Variants in TTL observed in about 807,000 individuals in gnomAD.
The protein encoded by TTL is tubulin tyrosine ligase.
Under a neutral mutation model 41.1 loss-of-function variants are expected in TTL, and 10 were observed. The observed-to-expected ratio is 0.24, with a 90% CI of 0.15 to 0.41. The LOEUF (loss-of-function observed/expected upper bound fraction) is 0.41, where lower values mean the gene tolerates loss of function less well. Among genes scored for constraint, TTL ranks in the 10% least tolerant of loss-of-function variants. TTL has a pLI of 1.00. For synonymous variants in TTL, 175 were observed against 175.5 expected (o/e 1.00, Z 0.02); for missense variants, 367 against 460.4 (o/e 0.80, Z 1.86).
chr2:112,496,362 G>C (rs1681521970), intron 3 of TTL, among the ~76,000 whole-genome samples: 1 of 152,098 alleles, frequency 6.6e-6, no homozygotes, highest in African/African-American at 2.4e-5. Context: ...ATGAATGAAT[G>C]GTTTTTATTC....
At chr2:112,516,162 T>C (rs538385168) in intron 5 of TTL, among the ~76,000 whole-genome samples, 1 of 152,336 alleles carries the variant, frequency 6.6e-6, no homozygotes, top group Admixed American at 6.5e-5. Flanking sequence ...CACATAACAG[T>C]AGTTTATCCT....
rs541158374 is a variant in TTL at position 112,494,436 on chromosome 2, G to C, written c.469+61G>C. On this transcript the variant is annotated intron_variant, in intron 3 of 6. Transcript: ENST00000233336. The stretch of plus-strand genomic sequence containing the variant: ...GTAAGTTGCTATTGTGATGTATTTA[G>C]ATGAATGACCCTATTTTAATCTGAA... 4.7e-5 allele frequency: 60 copies of C among 1,281,198 alleles called. No individual in the cohort carries two copies. In the South Asian group the frequency reaches 8.0e-4, roughly 17 times the overall value. The allele number at this position is 1,281,198 out of a possible 1,614,324, so 79.4% of individuals were successfully genotyped here. A position where few individuals can be genotyped will look rare whatever the true frequency, so the allele number is the denominator to read the frequency against.
intron 2 of TTL, among the ~76,000 whole-genome samples, chr2:112,488,821 G>A (rs1213546448): frequency 6.6e-6 from 1 of 151,928 alleles, no homozygotes; most frequent in East Asian, 1.9e-4. Flanking sequence ...GGGCGTGGTG[G>A]CTCACGCCTG....
chr2:112,510,002 CA>C lies in TTL; in HGVS notation c.875+6827del, dbSNP rs1484700473. Among the ~76,000 whole-genome samples the C allele has an allele frequency of 3.9e-5, 6 of 152,084 alleles. No individual in the cohort carries two copies. The East Asian group carries it at 1.2e-3, about 29-fold the overall frequency. Reference sequence around the variant, plus strand: ...CATTTATCAATTTTATCAGTCTTTTCAAAAAATTAGCTTTTGGTTTTATTGG... The same window carrying C: ...CATTTATCAATTTTATCAGTCTTTTCAAAAATTAGCTTTTGGTTTTATTGG... On this transcript the variant is annotated intron_variant, in intron 5 of 6. Transcript: ENST00000233336.
Position 112,482,189 on chromosome 2 carries a change from C to T in TTL, c.-156C>T. ...CTCCGGCACCCGGCGGGCGCCCGGGCGCGGCGCCGCCGGCACCCGAGAGGC... is the reference window on the plus strand; with the variant it reads ...CTCCGGCACCCGGCGGGCGCCCGGGTGCGGCGCCGCCGGCACCCGAGAGGC... On this transcript the variant is annotated 5_prime_UTR_variant, in exon 1 of 7. Transcript: ENST00000233336. This position sits in a 1 kb window ranked among gnomAD's most constrained non-coding sequence, Gnocchi z 5.3. 3.6e-6 allele frequency: 1 copy of T among 275,398 alleles called. No homozygotes were observed. Among genetic ancestry groups the T allele is most frequent in the Non-Finnish European group, 5.4e-6 (1 of 185,020 alleles). 17.1% of individuals were successfully genotyped at this position (275,398 alleles called of 1,614,324 possible).
At chr2:112,509,377 A>G (rs1180370764) in intron 5 of TTL, among the ~76,000 whole-genome samples, 1 of 151,940 alleles carries the variant, frequency 6.6e-6, no homozygotes, top group Non-Finnish European at 1.5e-5. Context: ...TGTTTACCTA[A>G]TCAAGCCTGG....
intron 2 of TTL, among the ~76,000 whole-genome samples, chr2:112,488,629 G>A (rs1043154608): frequency 6.6e-6 from 1 of 151,972 alleles, no homozygotes; most frequent in African/African-American, 2.4e-5. Flanking sequence ...ATGGTGGTGG[G>A]TACCTGTAAT....
intron 5 of TTL, among the ~76,000 whole-genome samples, chr2:112,509,123 G>C (rs1681852602): frequency 1.5e-5 from 2 of 132,670 alleles, no homozygotes; most frequent in Non-Finnish European, 3.2e-5. Context: ...CAGTTAGGCT[G>C]CTCGGGGGTC....
chr2:112,530,602 A>G lies in TTL; in HGVS notation c.*1807A>G, dbSNP rs1380414538. 8.8e-6 allele frequency: 2 copies of G among 227,252 alleles called. No individual in the cohort carries two copies. The highest frequency in any genetic ancestry group is 6.3e-5 in the East Asian group (1 of 15,930). 14.1% of individuals were successfully genotyped at this position (227,252 alleles called of 1,614,324 possible). ...AGGGTTCTGGGTCCCTGGCAAGTCT[A>G]GGTGGGCGGGTGACAGGGAAAGCAT... is the stretch of plus-strand genomic sequence containing the variant. On this transcript the variant is annotated 3_prime_UTR_variant, in exon 7 of 7. Coordinates refer to ENST00000233336, the MANE Select transcript of TTL (RefSeq NM_153712.5).
Position 112,538,842 on chromosome 2 carries a change from T to G in TTL, c.*10047T>G, listed in dbSNP as rs1480368504. ...GGACATAAAGTTGGGAAGAGGCCAG[T>G]CGCGGTGGCTCACGCCTGTCATCCC... On this transcript the variant is annotated 3_prime_UTR_variant, in exon 7 of 7. Transcript: ENST00000233336. 6.6e-6 allele frequency: 1 copy of G among 151,480 alleles called. No individual in the cohort carries two copies. Among genetic ancestry groups the G allele is most frequent in the African/African-American group, 2.4e-5 (1 of 41,142 alleles). 9.4% of individuals were successfully genotyped at this position (151,480 alleles called of 1,614,324 possible).
Position 112,537,018 on chromosome 2 carries a change from A to G in TTL, c.*8223A>G, listed in dbSNP as rs1252457425. 1 of 152,140 alleles carries G rather than the reference A, an allele frequency of 6.6e-6. No homozygotes were observed. Among genetic ancestry groups the G allele is most frequent in the Admixed American group, 6.5e-5 (1 of 15,270 alleles). 9.4% of individuals were successfully genotyped at this position (152,140 alleles called of 1,614,324 possible). ...TGCATGTGTCTTTCTGGTAGAATGAATTGTTTTCTTTTGGATATATACCCA... is the reference window on the plus strand; with the variant it reads ...TGCATGTGTCTTTCTGGTAGAATGAGTTGTTTTCTTTTGGATATATACCCA... On this transcript the variant is annotated 3_prime_UTR_variant, in exon 7 of 7. Coordinates refer to ENST00000233336, the MANE Select transcript of TTL (RefSeq NM_153712.5).
At chr2:112,502,788 C>G in intron 4 of TTL, 124 bp from the exon 5 acceptor site, 2 of 988,492 alleles carry the variant, frequency 2.0e-6, no homozygotes, top group Non-Finnish European at 2.9e-6. Context: ...AAACTTCCTC[C>G]TTCCCTAGTT....
At chr2:112,494,985 T>C (rs1253260066) in intron 3 of TTL, among the ~76,000 whole-genome samples, 1 of 152,164 alleles carries the variant, frequency 6.6e-6, no homozygotes, top group East Asian at 1.9e-4. Context: ...ACTTAAGACT[T>C]ACCAGCTGGC....
At chr2:112,521,989 G>A (rs1682247018) in intron 6 of TTL, among the ~76,000 whole-genome samples, 1 of 152,146 alleles carries the variant, frequency 6.6e-6, no homozygotes, top group Admixed American at 6.6e-5. Context: ...CTCACCCACT[G>A]TCCTTTCCTA....
chr2:112,523,233 T>C lies in TTL; in HGVS notation c.1019+2808T>C, dbSNP rs544333428. Among the ~76,000 whole-genome samples, 4 of 152,312 alleles carry C rather than the reference T, an allele frequency of 2.6e-5. No individual in the cohort carries two copies. The East Asian group carries it at 7.7e-4, about 29-fold the overall frequency. Reference sequence around the variant, plus strand: ...TTACCAAAACATCTTGAGGAAGCTTTCTCTGAACAGTCCTAGCTCTGATTT... The same window carrying C: ...TTACCAAAACATCTTGAGGAAGCTTCCTCTGAACAGTCCTAGCTCTGATTT... On this transcript the variant is annotated intron_variant, in intron 6 of 6. Transcript: ENST00000233336.
chr2:112,486,119 T>A, intron 2 of TTL, 124 bp downstream of exon 2: 1 of 959,112 alleles, frequency 1.0e-6, no homozygotes, highest in Non-Finnish European at 1.6e-6. Context: ...GTTCAGAAGC[T>A]TCCTCTAAGC....
chr2:112,511,265 T>G (rs1681913342), intron 5 of TTL, among the ~76,000 whole-genome samples: 1 of 151,804 alleles, frequency 6.6e-6, no homozygotes, highest in Non-Finnish European at 1.5e-5. Context: ...CATCTTGGCC[T>G]CTCAAAGTGC....
chr2:112,500,572 AAAAC>A (rs201248278), intron 3 of TTL, among the ~76,000 whole-genome samples: 501 of 125,844 alleles, frequency 4.0e-3, no homozygotes, highest in African/African-American at 0.013. Flanking sequence ...CTCCATCTCA[AAAAC>A]AAACAAACAA....
Position 112,531,063 on chromosome 2 carries a change from T to C in TTL, c.*2268T>C, listed in dbSNP as rs1238843788. Reference sequence around the variant, plus strand: ...GTTGTAATCATAGCACACTGCAGCCTCGAATTTCTGGGCTTGAGCAGTCCT... The same window carrying C: ...GTTGTAATCATAGCACACTGCAGCCCCGAATTTCTGGGCTTGAGCAGTCCT... On this transcript the variant is annotated 3_prime_UTR_variant, in exon 7 of 7. Transcript: ENST00000233336. The C allele has an allele frequency of 1.5e-5, 3 of 202,900 alleles. No homozygotes were observed. The highest frequency in any genetic ancestry group is 3.0e-5 in the Non-Finnish European group (3 of 98,638). 12.6% of individuals were successfully genotyped at this position (202,900 alleles called of 1,614,324 possible). A position where few individuals can be genotyped will look rare whatever the true frequency, so the allele number is the denominator to read the frequency against.
Sources: gnomAD v4.1 joint callset for allele counts (sites outside exome capture counted in the v4.1 genomes callset) on GRCh38, gnomAD v4.1.1 for gene constraint, Gnocchi (gnomAD v3.1) non-coding constraint, MANE v1.5 for transcripts, NCBI Gene and HGNC (gene_info 2026-07-23, HGNC 2026-07-21) for gene names.